RYR3: variants seen among roughly 807,000 people sequenced by gnomAD.
RYR3 encodes the protein ryanodine receptor 3.
A neutral mutation model predicts 584.3 loss-of-function variants in RYR3; 207 were observed. The ratio of observed to expected loss-of-function variants is 0.35; its 90% CI spans 0.32 to 0.40. The LOEUF is 0.40. Among genes scored for constraint, RYR3 ranks in the 10% least tolerant of loss-of-function variants. The pLI is 1.00. For synonymous variants in RYR3, 2,416 were observed against 2,248.5 expected (o/e 1.07, Z -2.11); for missense variants, 5,616 against 6,089.2 (o/e 0.92, Z 2.59).
At chr15:33,537,655 T>C (rs1031718200) in intron 5 of RYR3, among the ~76,000 whole-genome samples, 7 of 152,214 alleles carry the variant, frequency 4.6e-5, no homozygotes, top group Non-Finnish European at 1.0e-4. Context: ...TGAAAGCAGC[T>C]AAGAGCGTCT....
At position 33,854,757 on chromosome 15, in the gene RYR3, C is replaced by A; in HGVS notation, c.13861-9C>A. 1 of 1,591,116 alleles carries A rather than the reference C, an allele frequency of 6.3e-7. No individual in the cohort carries two copies. The highest frequency in any genetic ancestry group is 1.2e-5 in the South Asian group (1 of 85,910). ...ACATGCTTAAAAGTCTGCTTTCTTC[C>A]ATTCCCAGTCCTTTCTCTACCTTGC... On this transcript the variant is annotated splice_polypyrimidine_tract_variant and intron_variant, in intron 97 of 103. Coordinates refer to ENST00000634891, the MANE Select transcript of RYR3 (RefSeq NM_001036.6).
At chr15:33,368,736 T>C (rs1428322390) in intron 1 of RYR3, among the ~76,000 whole-genome samples, 1 of 152,132 alleles carries the variant, frequency 6.6e-6, no homozygotes, top group African/African-American at 2.4e-5. Context: ...GCCTGCAGTC[T>C]TGGCAGCGTT....
At chr15:33,573,624 T>C (rs968275) in intron 12 of RYR3, among the ~76,000 whole-genome samples, 124,152 of 152,176 alleles carry the variant, frequency 0.82, 51,069 homozygotes, top group Middle Eastern at 0.94. Context: ...CATTATGTTA[T>C]GATAAATATT....
chr15:33,853,686 C>CAA lies in RYR3; in HGVS notation c.13799+8_13799+9dup. On this transcript the variant is annotated splice_donor_region_variant and intron_variant, in intron 96 of 103. Transcript: ENST00000634891. ...AAGCGGCTTCTCTGGTGTCATGGTA[C>CAA]AAAAAGCTTAGGAGTTCAAATCCAA... 1 of 1,611,452 alleles carries CAA rather than the reference C, an allele frequency of 6.2e-7. No homozygotes were observed. Among genetic ancestry groups the CAA allele is most frequent in the East Asian group, 2.2e-5 (1 of 44,874 alleles).
intron 1 of RYR3, among the ~76,000 whole-genome samples, chr15:33,400,553 T>C (rs62013840): frequency 0.12 from 18,696 of 152,226 alleles, 1,214 homozygotes; most frequent in Admixed American, 0.16. Context: ...CTGAGTTCTA[T>C]CACTGATTTG....
chr15:33,783,749 CTGAGAG>C (rs909975656), intron 65 of RYR3, among the ~76,000 whole-genome samples: 3 of 152,182 alleles, frequency 2.0e-5, no homozygotes, highest in Non-Finnish European at 4.4e-5. Flanking sequence ...CCTCTGTACT[CTGAGAG>C]TATGTGTATA....
rs200111368 is a variant in RYR3 at position 33,772,155 on chromosome 15, C to T, written c.9052C>T (p.Leu3018Phe). The stretch of plus-strand genomic sequence containing the variant: ...TCAGCATCAGTTTGGAATGGATCTA[C>T]TCTGTGAGTTCTACTGGTATTTGTC... ...VTQHQFGMDLLLGDVQISCYH... is the reference protein window; with the variant it reads ...VTQHQFGMDLFLGDVQISCYH... Residue 3018 changes from leucine to phenylalanine, a missense_variant, in exon 63 of 104, where the codon CTC becomes TTC. By Grantham distance (22) the Leu-to-Phe change is conservative. Around this residue, in one of 9 missense-constraint regions of RYR3, gnomAD observed 954 missense variants for 1,132.2 expected, o/e 0.84. Transcript: ENST00000634891. The T allele has an allele frequency of 2.5e-6, 4 of 1,598,722 alleles. No individual in the cohort carries two copies. Among genetic ancestry groups the T allele is most frequent in the South Asian group, 1.1e-5 (1 of 90,204 alleles).
chr15:33,720,883 A>T (rs76237070), intron 43 of RYR3, among the ~76,000 whole-genome samples: 5,802 of 152,034 alleles, frequency 0.038, 157 homozygotes, highest in South Asian at 0.074. Context: ...CTTAAAAAAA[A>T]AAATGCTTTA....
intron 19 of RYR3, among the ~76,000 whole-genome samples, chr15:33,614,704 T>C (rs993198577): frequency 1.3e-5 from 2 of 152,088 alleles, no homozygotes; most frequent in Non-Finnish European, 2.9e-5. Context: ...TGTTTATGTA[T>C]AATAATTTTA....
Position 33,649,255 on chromosome 15 carries a change from G to T in RYR3, c.4142+20G>T. ...TGAAAGGTAAGGGGGCTCCCAAGTG[G>T]CAGGGTTAGCCATCGGGCTTCTCAG... On this transcript the variant is annotated intron_variant, in intron 31 of 103. Transcript: ENST00000634891. The T allele has an allele frequency of 1.9e-6, 3 of 1,604,218 alleles. No individual in the cohort carries two copies. Among genetic ancestry groups the T allele is most frequent in the African/African-American group, 2.7e-5 (2 of 74,938 alleles).
rs112521485 is a variant in RYR3, at chr15:33,738,515, C to T, written c.7581C>T (p.Tyr2527=). The change falls in exon 50 of 104, where the codon TAC becomes TAT. Residue 2527 remains tyrosine (Y), a synonymous_variant. Coordinates refer to ENST00000634891, the MANE Select transcript of RYR3 (RefSeq NM_001036.6). ...GCCTGCCTTCAGGATGGGGGAGCTA[C>T]GGGCTAGCTGTGGAAGAAGAGCTGC... ...YYCLPSGWGS[Y]GLAVEEELHL... is the part of the protein sequence containing the mutation. The T allele has an allele frequency of 5.8e-4, 936 of 1,613,884 alleles. 11 individuals carry two copies. In the African/African-American group the frequency reaches 0.011, roughly 19 times the overall value.
intron 81 of RYR3, 122 bp downstream of exon 81, chr15:33,823,194 C>A (rs746758253): frequency 6.9e-5 from 49 of 711,056 alleles, no homozygotes; most frequent in Admixed American, 2.1e-4. Flanking sequence ...GAAGCACCTA[C>A]TTAGAAAGCT....
At chr15:33,780,424 G>A in intron 65 of RYR3, 83 bp downstream of exon 65, 1 of 1,445,678 alleles carries the variant, frequency 6.9e-7, no homozygotes, top group Non-Finnish European at 9.5e-7. Context: ...CAGCAGCCCT[G>A]CAGCACTGTG....
chr15:33,754,123 G>A (rs530058448), intron 57 of RYR3, among the ~76,000 whole-genome samples: 5 of 152,216 alleles, frequency 3.3e-5, no homozygotes, highest in South Asian at 2.1e-4. Context: ...CAATCTGGGC[G>A]ACAGAGTGAG....
At chr15:33,588,742 T>A (rs2152528719) in intron 16 of RYR3, among the ~76,000 whole-genome samples, 1 of 152,330 alleles carries the variant, frequency 6.6e-6, no homozygotes, top group African/African-American at 2.4e-5. Context: ...CTTAAAATTA[T>A]AGCTTCCAGT....
At chr15:33,471,654 G>A (rs1426653369) in intron 1 of RYR3, among the ~76,000 whole-genome samples, 5 of 149,154 alleles carry the variant, frequency 3.4e-5, no homozygotes, top group Admixed American at 3.3e-4. Flanking sequence ...CCTGAGTTTT[G>A]TTGTTGTTGC....
intron 16 of RYR3, among the ~76,000 whole-genome samples, chr15:33,592,252 AT>A (rs1470794519): frequency 1.3e-5 from 2 of 152,224 alleles, no homozygotes; most frequent in African/African-American, 4.8e-5. Context: ...TGGCTTCACC[AT>A]CCCCTAAGGG....
chr15:33,469,300 G>A (rs1191384400), intron 1 of RYR3, among the ~76,000 whole-genome samples: 1 of 152,132 alleles, frequency 6.6e-6, no homozygotes, highest in Non-Finnish European at 1.5e-5. Flanking sequence ...ACGCTACAGG[G>A]AAGAAGTTAG....
At chr15:33,724,217 A>C (rs1279855911) in intron 45 of RYR3, 41 bp downstream of exon 45, 1 of 1,120,636 alleles carries the variant, frequency 8.9e-7, no homozygotes, top group African/African-American at 1.5e-5. Flanking sequence ...TGAGAAACCT[A>C]TGCCAAGAAC....
Sources: allele counts gnomAD v4.1 joint callset (sites outside exome capture counted in the v4.1 genomes callset), GRCh38; gene constraint gnomAD v4.1.1; regional missense constraint gnomAD v4.1.1; transcripts MANE v1.5; gene names NCBI Gene and HGNC (gene_info 2026-07-23, HGNC 2026-07-21).